Variants in ARHGAP28 observed in about 807,000 individuals in gnomAD.
ARHGAP28 encodes the protein rho GTPase-activating protein 28.
A neutral mutation model predicts 90.7 loss-of-function variants in ARHGAP28; 56 were observed. The ratio of observed to expected loss-of-function variants is 0.62; its 90% CI spans 0.50 to 0.77. The LOEUF (loss-of-function observed/expected upper bound fraction) is 0.77. Among genes scored for constraint, ARHGAP28 ranks in the 30% least tolerant of loss-of-function variants. The probability of loss-of-function intolerance (pLI) is 0.00; values close to 1 mark genes in which losing one functional copy is unlikely to be tolerated. For missense variants in ARHGAP28, 869 were observed against 900.9 expected (o/e 0.96, Z 0.45); for synonymous variants, 308 against 323.3 (o/e 0.95, Z 0.51).
chr18:6,909,061 C>T (rs959994385), intron 17 of ARHGAP28, 37 bp downstream of exon 17: 9 of 1,110,232 alleles, frequency 8.1e-6, no homozygotes, highest in Non-Finnish European at 1.2e-5. Context: ...GCTAAATTCT[C>T]TGATTACTCT....
chr18:6,901,775 A>G (rs767120977), intron 16 of ARHGAP28, among the ~76,000 whole-genome samples: 1 of 152,218 alleles, frequency 6.6e-6, no homozygotes. Context: ...GTGCTGCCAT[A>G]ACAGATTACC....
At chr18:6,816,231 G>A (rs984163674) in intron 1 of ARHGAP28, among the ~76,000 whole-genome samples, 4 of 152,230 alleles carry the variant, frequency 2.6e-5, no homozygotes, top group Admixed American at 2.6e-4. Context: ...TGAAACTATG[G>A]CTTCTTTTTA....
chr18:6,811,143 A>AAC (rs1426640974), intron 1 of ARHGAP28, among the ~76,000 whole-genome samples: 1 of 152,178 alleles, frequency 6.6e-6, no homozygotes, highest in East Asian at 1.9e-4. Flanking sequence ...AATTGATTGT[A>AAC]AAAGTATCTA....
At position 6,740,647 on chromosome 18, in the gene ARHGAP28, T is replaced by C. The variant is rs937429218; in HGVS notation, c.122+10704T>C. Among the ~76,000 whole-genome samples the C allele has an allele frequency of 1.2e-4, 19 of 152,192 alleles. 1 individual carries two copies. Among genetic ancestry groups the C allele is most frequent in the African/African-American group, 4.6e-4 (19 of 41,446 alleles). On this transcript the variant is annotated intron_variant, in intron 1 of 17. Coordinates refer to ENST00000383472, the MANE Select transcript of ARHGAP28 (RefSeq NM_001366230.1). ...AGAGATAGGACAATCATTTTCATTA[T>C]ATGATAAATGGTAGTCTGGACTTTT...
intron 7 of ARHGAP28, among the ~76,000 whole-genome samples, chr18:6,870,947 CCT>C (rs2057082382): frequency 6.6e-6 from 1 of 152,120 alleles, no homozygotes. Context: ...ACTACAGGCA[CCT>C]GCCAACTTGC....
intron 1 of ARHGAP28, among the ~76,000 whole-genome samples, chr18:6,742,709 G>A (rs981870239): frequency 1.3e-5 from 2 of 152,200 alleles, no homozygotes; most frequent in Non-Finnish European, 2.9e-5. Flanking sequence ...GCATTTGGGG[G>A]ATGGTTAAAA....
intron 1 of ARHGAP28, among the ~76,000 whole-genome samples, chr18:6,776,314 G>A (rs1041297704): frequency 3.9e-5 from 6 of 152,202 alleles, no homozygotes; most frequent in Non-Finnish European, 7.3e-5. Flanking sequence ...AACCCCAGCG[G>A]TGGTGTTTTG....
chr18:6,870,284 T>A (rs1218599823), intron 6 of ARHGAP28, among the ~76,000 whole-genome samples: 3 of 152,216 alleles, frequency 2.0e-5, no homozygotes, highest in African/African-American at 7.2e-5. Flanking sequence ...AGAAATACCC[T>A]ATTTTGGACT....
chr18:6,890,155 T>C lies in ARHGAP28; in HGVS notation c.1734+70T>C, dbSNP rs145914050. The C allele has an allele frequency of 2.8e-4, 430 of 1,540,626 alleles. 2 individuals are homozygous for C. The highest frequency in any genetic ancestry group is 9.3e-4 in the South Asian group (83 of 88,846). On this transcript the variant is annotated intron_variant, in intron 13 of 17. Coordinates refer to ENST00000383472, the MANE Select transcript of ARHGAP28 (RefSeq NM_001366230.1). ...CCCAGGAAACATAAAGCCTCCATGA[T>C]TGGGCAACTCCCTTGGTCATAGGGA...
intron 16 of ARHGAP28, chr18:6,897,711 A>T (rs1313995074): frequency 6.6e-6 from 1 of 152,184 alleles, no homozygotes; most frequent in Non-Finnish European, 1.5e-5. Flanking sequence ...ACATTTTTTA[A>T]ATTAAATTTT....
At position 6,827,577 on chromosome 18, in the gene ARHGAP28, G is replaced by A. The variant is rs1420011281; in HGVS notation, c.325+2613G>A. Among the ~76,000 whole-genome samples the A allele has an allele frequency of 2.8e-5, 4 of 143,966 alleles. No homozygotes were observed. In the East Asian group the frequency reaches 8.6e-4, roughly 31 times the overall value. The allele number at this position is 143,966 out of a possible 152,430, so 94.4% of individuals were successfully genotyped here. A position where few individuals can be genotyped will look rare whatever the true frequency, so the allele number is the denominator to read the frequency against. The stretch of plus-strand genomic sequence containing the variant: ...CACCTCCCTCCCGGACGGGGCGACT[G>A]GCTGGGTGGGGGGCTGACCCCCACC... On this transcript the variant is annotated intron_variant, in intron 2 of 17. Transcript: ENST00000383472.
At chr18:6,892,218 G>A (rs1056418225) in intron 14 of ARHGAP28, among the ~76,000 whole-genome samples, 10 of 151,878 alleles carry the variant, frequency 6.6e-5, no homozygotes, top group Non-Finnish European at 1.2e-4. Context: ...CAACCATCTC[G>A]GCTCACTGCA....
chr18:6,784,972 C>T (rs2056354683), intron 1 of ARHGAP28, among the ~76,000 whole-genome samples: 1 of 152,212 alleles, frequency 6.6e-6, no homozygotes, highest in South Asian at 2.1e-4. Context: ...CAGCAAATGC[C>T]TGTGGACAAC....
chr18:6,777,537 A>C lies in ARHGAP28; in HGVS notation c.123-47225A>C, dbSNP rs534649056. 3.3e-5 allele frequency among the ~76,000 whole-genome samples: 5 copies of C among 152,266 alleles called. No individual in the cohort carries two copies. The South Asian group carries it at 1.0e-3, about 32-fold the overall frequency. On this transcript the variant is annotated intron_variant, in intron 1 of 17. Coordinates refer to ENST00000383472, the MANE Select transcript of ARHGAP28 (RefSeq NM_001366230.1). The stretch of plus-strand genomic sequence containing the variant: ...CAGGAGTTCAGGATCAGCCTGGGCA[A>C]CATAGTGAGACCACATGTCTACGAA...
In ARHGAP28 at chr18:6,782,592, ATTTTTTTTTTTT is replaced by A. The variant is rs10602816; in HGVS notation, c.123-42144_123-42133del. On this transcript the variant is annotated intron_variant, in intron 1 of 17. Transcript: ENST00000383472. Reference sequence around the variant, plus strand: ...GCCATCACGCCCAGCTAATTTTTGTATTTTTTTTTTTTTTTTTTTTTTTTTTTTTTTTTTTTT... The same window carrying A: ...GCCATCACGCCCAGCTAATTTTTGTATTTTTTTTTTTTTTTTTTTTTTTTT... 8.9e-3 allele frequency among the ~76,000 whole-genome samples: 237 copies of A among 26,672 alleles called. 3 individuals carry two copies. The highest frequency in any genetic ancestry group is 0.024 in the East Asian group (18 of 762). 17.5% of individuals were successfully genotyped at this position (26,672 alleles called of 152,430 possible).
At chr18:6,815,053 CA>C (rs1457479014) in intron 1 of ARHGAP28, among the ~76,000 whole-genome samples, 1 of 152,200 alleles carries the variant, frequency 6.6e-6, no homozygotes, top group Non-Finnish European at 1.5e-5. Context: ...CTCATAACCT[CA>C]ATTTATCTTT....
chr18:6,828,045 C>T (rs1485621386), intron 2 of ARHGAP28, among the ~76,000 whole-genome samples: 9 of 152,156 alleles, frequency 5.9e-5, no homozygotes, highest in African/African-American at 2.2e-4. Context: ...CGCCACTGCA[C>T]TCCAGCCTGG....
At chr18:6,837,465 T>TTG in intron 3 of ARHGAP28, 51 bp downstream of exon 3, 2 of 636,500 alleles carry the variant, frequency 3.1e-6, no homozygotes, top group Admixed American at 2.0e-5. Flanking sequence ...TGACTGGGGA[T>TTG]GGGGTAGGGT....
chr18:6,825,252 T>C (rs1346243645), intron 2 of ARHGAP28, among the ~76,000 whole-genome samples: 1 of 152,146 alleles, frequency 6.6e-6, no homozygotes, highest in Non-Finnish European at 1.5e-5. Context: ...ATTGGTTTGA[T>C]TCATTACCAT....
Sources: gnomAD v4.1 joint callset for allele counts (sites outside exome capture counted in the v4.1 genomes callset) on GRCh38, gnomAD v4.1.1 for gene constraint, MANE v1.5 for transcripts, NCBI Gene and HGNC (gene_info 2026-07-23, HGNC 2026-07-21) for gene names.